CLN3: variants seen among roughly 807,000 people sequenced by gnomAD.
The protein encoded by CLN3 is battenin.
In CLN3, 49 loss-of-function variants were observed where a neutral mutation model predicts 60.7. That is an observed-to-expected ratio of 0.81 (90% CI 0.64 to 1.02). The LOEUF (loss-of-function observed/expected upper bound fraction) is 1.02. CLN3 is among the 50% of genes least tolerant of loss of function. CLN3 has a pLI of 0.00. For missense variants in CLN3, 516 were observed against 557.4 expected (o/e 0.93, Z 0.75); for synonymous variants, 256 against 245.8 (o/e 1.04, Z -0.39).
At chr16:28,490,045 G>A (rs1475455173) in intron 3 of CLN3, among the ~76,000 whole-genome samples, 15 of 133,358 alleles carry the variant, frequency 1.1e-4, no homozygotes, top group Admixed American at 2.4e-4. Context: ...CTACAAGAGC[G>A]AGACTCTATC....
Position 28,481,454 on chromosome 16 carries a change from G to GCACACA in CLN3, c.1056+645_1056+650dup, listed in dbSNP as rs373490479. On this transcript the variant is annotated intron_variant, in intron 14 of 15. Coordinates refer to ENST00000636147, the MANE Select transcript of CLN3 (RefSeq NM_001042432.2). ...CACACACACACACACACACACACAC[G>GCACACA]CACACACACACACACACACACTACA... is the stretch of plus-strand genomic sequence containing the variant. Among the ~76,000 whole-genome samples, 187 of 129,224 alleles carry GCACACA rather than the reference G, an allele frequency of 1.4e-3. 1 individual carries two copies. The South Asian group carries it at 0.016, about 11-fold the overall frequency. The allele number at this position is 129,224 out of a possible 152,430, so 84.8% of individuals were successfully genotyped here.
In CLN3 at chr16:28,483,999, C is replaced by G. The variant is rs2046156095; in HGVS notation, c.790+7G>C. 1.3e-6 allele frequency: 2 copies of G among 1,599,408 alleles called. No homozygotes were observed. The highest frequency in any genetic ancestry group is 1.7e-4 in the Middle Eastern group (1 of 6,028). ...AAGTGACCTCTCTGAGGGTCTGTGT[C>G]TCCTACCTGGCTTCGACTCCGGGGC... On this transcript the variant is annotated splice_region_variant and intron_variant, in intron 10 of 15. Coordinates refer to ENST00000636147, the MANE Select transcript of CLN3 (RefSeq NM_001042432.2).
chr16:28,492,050 G>C lies in CLN3; in HGVS notation c.-107C>G. On this transcript the variant is annotated 5_prime_UTR_variant, in exon 1 of 16. Coordinates refer to ENST00000636147, the MANE Select transcript of CLN3 (RefSeq NM_001042432.2). Reference sequence around the variant, plus strand: ...AGAGCAGCAGAATGTTCTGCACTATGCAGAGGCCGTTTGTCGGATCACGTG... The same window carrying C: ...AGAGCAGCAGAATGTTCTGCACTATCCAGAGGCCGTTTGTCGGATCACGTG... 1.9e-6 allele frequency: 1 copy of C among 525,590 alleles called. No individual in the cohort carries two copies. Among genetic ancestry groups the C allele is most frequent in the African/African-American group, 1.9e-5 (1 of 52,652 alleles). 32.6% of individuals were successfully genotyped at this position (525,590 alleles called of 1,614,324 possible). A position where few individuals can be genotyped will look rare whatever the true frequency, so the allele number is the denominator to read the frequency against.
In CLN3 at chr16:28,491,761, G is replaced by C. The variant is rs747169563; in HGVS notation, c.-2C>G. 4.0e-5 allele frequency: 65 copies of C among 1,613,634 alleles called. No individual in the cohort carries two copies. The highest frequency in any genetic ancestry group is 5.4e-5 in the Non-Finnish European group (64 of 1,180,018). On this transcript the variant is annotated 5_prime_UTR_variant, in exon 2 of 16. Transcript: ENST00000636147. ...CCGCGAGCCTGCACAGCCTCCCATC[G>C]CATCAAGTTCAGGTCCCCCGAGGGT...
At chr16:28,476,335 G>T (rs1402164560), downstream of CLN3, 3 of 149,326 alleles carry the variant, frequency 2.0e-5, no homozygotes, top group Non-Finnish European at 3.0e-5. Flanking sequence ...TTGAGCTCAA[G>T]AGTTCAAGAC....
At position 28,484,498 on chromosome 16, in the gene CLN3, GC is replaced by G. The variant is rs1422959357; in HGVS notation, c.678-381del. The G allele has an allele frequency of 4.0e-5, 10 of 247,884 alleles. No homozygotes were observed. The East Asian group carries it at 1.0e-3, about 25-fold the overall frequency. 15.4% of individuals were successfully genotyped at this position (247,884 alleles called of 1,614,324 possible). A position where few individuals can be genotyped will look rare whatever the true frequency, so the allele number is the denominator to read the frequency against. ...CAAGTAGCGGGGACTACAGGCACGT[GC>G]CACCAAGCCCGCCTCATATTTTCCA... On this transcript the variant is annotated intron_variant, in intron 9 of 15. Transcript: ENST00000636147.
intron 9 of CLN3, among the ~76,000 whole-genome samples, chr16:28,485,288 C>T (rs1193942593): frequency 6.4e-5 from 9 of 140,638 alleles, no homozygotes; most frequent in East Asian, 5.0e-4. Context: ...CTAATCAGGC[C>T]GGGCGCGGTG....
At chr16:28,483,017 T>C (rs536097908) in intron 10 of CLN3, among the ~76,000 whole-genome samples, 3 of 151,620 alleles carry the variant, frequency 2.0e-5, no homozygotes, top group Admixed American at 2.0e-4. Context: ...GGCAGGAGAA[T>C]CACTTGAACC....
rs2141714258 is a variant in CLN3, at chr16:28,487,447, C to T, written c.460+9G>A. 3 of 1,611,690 alleles carry T rather than the reference C, an allele frequency of 1.9e-6. No homozygotes were observed. Among genetic ancestry groups the T allele is most frequent in the Non-Finnish European group, 2.5e-6 (3 of 1,177,858 alleles). On this transcript the variant is annotated intron_variant, in intron 7 of 15. Coordinates refer to ENST00000636147, the MANE Select transcript of CLN3 (RefSeq NM_001042432.2). Reference sequence around the variant, plus strand: ...GGGCTCCCCATCTGACACAGAACCACACACTCACCACACAGGCTGGTCCCC... The same window carrying T: ...GGGCTCCCCATCTGACACAGAACCATACACTCACCACACAGGCTGGTCCCC...
In CLN3 at chr16:28,483,352, G is replaced by C. The variant is rs887070644; in HGVS notation, c.790+654C>G. Among the ~76,000 whole-genome samples the C allele has an allele frequency of 3.9e-5, 6 of 152,012 alleles. No individual in the cohort carries two copies. The East Asian group carries it at 1.2e-3, about 30-fold the overall frequency. On this transcript the variant is annotated intron_variant, in intron 10 of 15. Coordinates refer to ENST00000636147, the MANE Select transcript of CLN3 (RefSeq NM_001042432.2). Reference sequence around the variant, plus strand: ...TTCTCGTGCCTCAGCTTCCCAAGTAGCTGGGACTACAGGCATGCACCACCA... The same window carrying C: ...TTCTCGTGCCTCAGCTTCCCAAGTACCTGGGACTACAGGCATGCACCACCA...
chr16:28,473,075 G>A (rs1430740133), downstream of CLN3, among the ~76,000 whole-genome samples: 2 of 151,920 alleles, frequency 1.3e-5, no homozygotes, highest in Non-Finnish European at 2.9e-5. Context: ...GTAGCTGGGA[G>A]TACAGGCACG....
chr16:28,491,358 G>T, intron 3 of CLN3, 124 bp downstream of exon 3: 1 of 1,372,262 alleles, frequency 7.3e-7, no homozygotes. Context: ...GGGCAAACCA[G>T]TGGATTCAGT....
intron 9 of CLN3, among the ~76,000 whole-genome samples, chr16:28,485,659 C>T (rs543504876): frequency 1.5e-5 from 2 of 137,332 alleles, no homozygotes; most frequent in African/African-American, 5.5e-5. Flanking sequence ...GCTACACATT[C>T]GAGGCCAACC....
intron 14 of CLN3, chr16:28,479,709 C>T (rs1210164462): frequency 2.7e-5 from 5 of 186,220 alleles, no homozygotes; most frequent in Admixed American, 2.3e-4. Flanking sequence ...GCAGGGGTTG[C>T]AGTGAGCCAA....
intron 14 of CLN3, among the ~76,000 whole-genome samples, chr16:28,480,982 A>C (rs2046079692): frequency 6.6e-6 from 1 of 152,246 alleles, no homozygotes; most frequent in Non-Finnish European, 1.5e-5. Context: ...ATCTAGAATA[A>C]AAGAACTGTA....
intron 14 of CLN3, among the ~76,000 whole-genome samples, chr16:28,480,250 C>T (rs2046064909): frequency 6.6e-6 from 1 of 151,636 alleles, no homozygotes; most frequent in South Asian, 2.1e-4. Flanking sequence ...TGGGGGGTCT[C>T]ACTATGTTGT....
At chr16:28,491,945 G>T in intron 1 of CLN3, 75 bp downstream of exon 1, 2 of 748,272 alleles carry the variant, frequency 2.7e-6, no homozygotes, top group East Asian at 2.7e-5. Flanking sequence ...CATCTCGAGC[G>T]CCCTACGACC....
chr16:28,481,420 A>G (rs895912228), intron 14 of CLN3, among the ~76,000 whole-genome samples: 1,035 of 90,988 alleles, frequency 0.011, 12 homozygotes, highest in African/African-American at 0.039. Flanking sequence ...TGCTTAAAAC[A>G]CACACACACA....
chr16:28,479,067 T>G (rs2046045337), intron 14 of CLN3, among the ~76,000 whole-genome samples: 1 of 152,066 alleles, frequency 6.6e-6, no homozygotes, highest in South Asian at 2.1e-4. Flanking sequence ...CCCCAGGGTG[T>G]AGGTCCCACC....
Sources: gnomAD v4.1 joint callset for allele counts (sites outside exome capture counted in the v4.1 genomes callset) on GRCh38, gnomAD v4.1.1 for gene constraint, MANE v1.5 for transcripts, NCBI Gene and HGNC (gene_info 2026-07-23, HGNC 2026-07-21) for gene names.